MTERF4: variants seen among roughly 807,000 people sequenced by gnomAD.
The protein encoded by MTERF4 is transcription termination factor 4, mitochondrial.
Under a neutral mutation model 22.5 loss-of-function variants are expected in MTERF4, and 17 were observed. The observed-to-expected ratio is 0.75, with a 90% CI of 0.52 to 1.13. The LOEUF (loss-of-function observed/expected upper bound fraction) is 1.13, where lower values mean the gene tolerates loss of function less well. MTERF4 is among the 50% of genes most tolerant of loss of function. The pLI, the probability that MTERF4 is intolerant of heterozygous loss-of-function variation, is 0.00. For missense variants in MTERF4, 420 were observed against 466.8 expected (o/e 0.90, Z 0.92); for synonymous variants, 165 against 175.3 (o/e 0.94, Z 0.47).
chr2:241,046,850 A>G, the MTERF4 span, among the ~76,000 whole-genome samples: 4,320 of 152,328 alleles, frequency 0.028, 485 homozygotes, highest in Admixed American at 0.2. Flanking sequence ...AACATCTTTT[A>G]AAAACCAAAA....
At chr2:241,058,391 A>T in the MTERF4 span, among the ~76,000 whole-genome samples, 1 of 152,214 alleles carries the variant, frequency 6.6e-6, no homozygotes, top group South Asian at 2.1e-4. Flanking sequence ...AGGAAAAAAA[A>T]TACGAAATGA....
At position 241,096,167 on chromosome 2, in the gene MTERF4, T is replaced by G. The variant is rs774437988; in HGVS notation, c.977A>C (p.Glu326Ala). ...FKKLLAREEE[E>A]SESSTSDDKR... ...GTCATCAGATGTGCTGCTCTCAGACTCCTCCTCCTCCCGAGCCAGGAGCTT... is the reference window on the plus strand; with the variant it reads ...GTCATCAGATGTGCTGCTCTCAGACGCCTCCTCCTCCCGAGCCAGGAGCTT... Residue 326 changes from glutamate (E) to alanine (A), a missense_variant, in exon 4 of 4, where the codon GAG becomes GCG. Glu to Ala is a moderately radical substitution (Grantham distance 107). Coordinates refer to ENST00000391980, the MANE Select transcript of MTERF4 (RefSeq NM_182501.4). This position sits in a 1 kb window ranked among gnomAD's most constrained non-coding sequence, Gnocchi z 5.1. The G allele has an allele frequency of 7.4e-6, 12 of 1,613,782 alleles. No homozygotes were observed. Among genetic ancestry groups the G allele is most frequent in the Non-Finnish European group, 1.0e-5 (12 of 1,179,878 alleles).
downstream of MTERF4, chr2:241,069,060 C>CTGGGGGG (rs1317385858): frequency 2.1e-6 from 3 of 1,410,122 alleles, no homozygotes; most frequent in Non-Finnish European, 2.9e-6. The surrounding 1 kb of genome is among the most constrained non-coding windows in gnomAD (Gnocchi z 4.9). Flanking sequence ...ACACGAAAGG[C>CTGGGGGG]CGTCTTCTAG....
downstream of MTERF4, chr2:241,067,839 G>A (rs200411327): frequency 5.5e-4 from 893 of 1,613,370 alleles, 2 homozygotes; most frequent in Non-Finnish European, 7.0e-4. Flanking sequence ...GCCCTGCACA[G>A]GATCCGCCAT....
rs182662151 is a variant in MTERF4 at position 241,096,817 on chromosome 2, C to T, written c.706-379G>A. The T allele has an allele frequency of 1.9e-5, 10 of 525,172 alleles. No individual in the cohort carries two copies. The East Asian group carries it at 2.2e-4, about 11-fold the overall frequency. 32.5% of individuals were successfully genotyped at this position (525,172 alleles called of 1,614,324 possible). A position where few individuals can be genotyped will look rare whatever the true frequency, so the allele number is the denominator to read the frequency against. ...GTTGTCATAATTATTACCAAAAAAT[C>T]GGACAACTGTTAAAATTACATTTTC... On this transcript the variant is annotated intron_variant, in intron 3 of 3. Transcript: ENST00000391980. This position sits in a 1 kb window ranked among gnomAD's most constrained non-coding sequence, Gnocchi z 5.1.
At chr2:241,074,949 C>T (rs12694993) in exon 5 of MTERF4, 84,007 of 151,938 alleles carry the variant, frequency 0.55, 25,112 homozygotes, top group African/African-American at 0.81. Context: ...GGGAGTGATT[C>T]TATGGTACAT....
downstream of MTERF4, chr2:241,068,066 C>T (rs2062539303): frequency 1.0e-6 from 1 of 959,718 alleles, no homozygotes; most frequent in South Asian, 1.7e-5. This position sits in a 1 kb window ranked among gnomAD's most constrained non-coding sequence, Gnocchi z 5.3. Flanking sequence ...TGCCGCTCCT[C>T]ACCTGAGCGG....
chr2:241,046,878 C>T, the MTERF4 span, among the ~76,000 whole-genome samples: 2 of 152,262 alleles, frequency 1.3e-5, no homozygotes, highest in Non-Finnish European at 1.5e-5. Flanking sequence ...GGCGTGGTGG[C>T]TCACCCCTGT....
chr2:241,097,148 CACGGT>C, intron 3 of MTERF4, 90 bp downstream of exon 3: 1 of 1,442,126 alleles, frequency 6.9e-7, no homozygotes, highest in Non-Finnish European at 9.6e-7. Context: ...CTACACTAAT[CACGGT>C]ACCAGTCATT....
chr2:241,071,747 C>T (rs746716485), downstream of MTERF4: 31 of 1,329,016 alleles, frequency 2.3e-5, no homozygotes, highest in East Asian at 5.4e-4. Flanking sequence ...TCGGCCCCAT[C>T]GCCCGAGGCG....
the MTERF4 span, among the ~76,000 whole-genome samples, chr2:241,050,620 C>T: frequency 3.9e-5 from 6 of 152,194 alleles, no homozygotes; most frequent in African/African-American, 1.2e-4. Flanking sequence ...CCCTGGACCC[C>T]GTGGCTCCCC....
intron 2 of MTERF4, among the ~76,000 whole-genome samples, chr2:241,098,862 G>A (rs1341391417): frequency 6.6e-6 from 1 of 152,128 alleles, no homozygotes; most frequent in Non-Finnish European, 1.5e-5. Context: ...AGGCAGACAA[G>A]AGTCTCTGCC....
At position 241,102,278 on chromosome 2, in the gene MTERF4, C is replaced by T; in HGVS notation, c.-5G>A. On this transcript the variant is annotated 5_prime_UTR_variant, in exon 1 of 4. Coordinates refer to ENST00000391980, the MANE Select transcript of MTERF4 (RefSeq NM_182501.4). ...CTGACGGCCGAACGCAGCCATAGCG[C>T]GGAGAAGATGGCAGCAGTTACGGCG... The T allele has an allele frequency of 6.5e-7, 1 of 1,549,398 alleles. No homozygotes were observed. Among genetic ancestry groups the T allele is most frequent in the South Asian group, 1.2e-5 (1 of 84,036 alleles).
downstream of MTERF4, chr2:241,089,902 C>G (rs1185604349): frequency 2.0e-6 from 3 of 1,517,500 alleles, no homozygotes; most frequent in East Asian, 7.4e-5. Context: ...GCGGTCGTAA[C>G]ACAGTGCCAA....
At chr2:241,078,572 G>C (rs1374833795) in intron 4 of MTERF4, among the ~76,000 whole-genome samples, 2 of 151,662 alleles carry the variant, frequency 1.3e-5, no homozygotes, top group African/African-American at 4.9e-5. Flanking sequence ...CCATTCATAT[G>C]AAAGTCCAGC....
the MTERF4 span, among the ~76,000 whole-genome samples, chr2:241,047,075 T>C: frequency 4.7e-5 from 7 of 147,876 alleles, no homozygotes; most frequent in African/African-American, 1.0e-4. Flanking sequence ...CCCCAGGGAG[T>C]TGGAGGTTGC....
At chr2:241,095,456 T>G (rs1265605752), downstream of MTERF4, 1 of 156,634 alleles carries the variant, frequency 6.4e-6, no homozygotes, top group East Asian at 1.9e-4. Context: ...TACTCTGCTG[T>G]GCACTGAATA....
In MTERF4 at chr2:241,096,068, TC is replaced by T; in HGVS notation, c.1075del (p.Asp359MetfsTer52). ...CTCGTCGTCGTCCTCATCATCGTCA[TC>T]CTCATCATTGTCATCCTCATCATTG... ...EDNDEDDNDE[D>X]DDDEDDDEAE... is the part of the protein sequence containing the mutation. On this transcript the variant is annotated frameshift_variant, in exon 4 of 4. Transcript: ENST00000391980. LOFTEE classifies it high-confidence loss of function. This position sits in a 1 kb window ranked among gnomAD's most constrained non-coding sequence, Gnocchi z 5.1. 1 of 1,611,370 alleles carries T rather than the reference TC, an allele frequency of 6.2e-7. No individual in the cohort carries two copies. The highest frequency in any genetic ancestry group is 2.2e-5 in the East Asian group (1 of 44,868).
chr2:241,049,716 G>A, the MTERF4 span: 14 of 807,148 alleles, frequency 1.7e-5, no homozygotes, highest in African/African-American at 2.4e-4. Flanking sequence ...TTCCAGACAG[G>A]ATGTCAGGGT....
Sources: allele counts gnomAD v4.1 joint callset (sites outside exome capture counted in the v4.1 genomes callset), GRCh38; gene constraint gnomAD v4.1.1; non-coding constraint Gnocchi (gnomAD v3.1); transcripts MANE v1.5; gene names NCBI Gene and HGNC (gene_info 2026-07-23, HGNC 2026-07-21).